The following SLC9A9 variants were observed in gnomAD, a reference collection of about 807,000 sequenced individuals.
The protein encoded by SLC9A9 is sodium/hydrogen exchanger 9.
In SLC9A9, 62 loss-of-function variants were observed where a neutral mutation model predicts 77.8. The observed-to-expected ratio is 0.80, with a 90% confidence interval of 0.65 to 0.98. SLC9A9 has a LOEUF of 0.98. SLC9A9 is among the 50% of genes least tolerant of loss of function. SLC9A9 has a pLI of 0.00. For missense variants in SLC9A9, 775 were observed against 774.9 expected (o/e 1.00, Z 0.00); for synonymous variants, 320 against 283.5 (o/e 1.13, Z -1.29).
chr3:143,487,875 G>T (rs1442347523), intron 11 of SLC9A9, among the ~76,000 whole-genome samples: 1 of 150,948 alleles, frequency 6.6e-6, no homozygotes, highest in East Asian at 1.9e-4. Context: ...AGAGCTAGAA[G>T]AAAGGAAAGA....
At chr3:143,800,574 C>A (rs1407653865) in intron 2 of SLC9A9, among the ~76,000 whole-genome samples, 1 of 152,186 alleles carries the variant, frequency 6.6e-6, no homozygotes, top group Admixed American at 6.5e-5. Context: ...CCACTTATCC[C>A]AGTCTCTCTT....
chr3:143,758,154 G>A (rs1187930943), intron 4 of SLC9A9, among the ~76,000 whole-genome samples: 1 of 152,124 alleles, frequency 6.6e-6, no homozygotes, highest in Non-Finnish European at 1.5e-5. Context: ...TCTACATAAT[G>A]AGGCCATTGC....
At chr3:143,838,012 A>G (rs2009611872) in intron 1 of SLC9A9, among the ~76,000 whole-genome samples, 1 of 150,316 alleles carries the variant, frequency 6.7e-6, no homozygotes. Flanking sequence ...GTTGAAGACT[A>G]CTCTTCTCTG....
chr3:143,285,252 G>C (rs112066626), intron 14 of SLC9A9, among the ~76,000 whole-genome samples: 3,183 of 152,142 alleles, frequency 0.021, 116 homozygotes, highest in African/African-American at 0.073. Context: ...CACCCCAACA[G>C]GCCCTGGTGT....
intron 3 of SLC9A9, 39 bp downstream of exon 3, chr3:143,796,787 C>CT: frequency 6.9e-7 from 1 of 1,459,570 alleles, no homozygotes. Context: ...AAATTCTCTA[C>CT]TTAATGATAA....
chr3:143,364,680 G>A (rs966011908), intron 13 of SLC9A9, among the ~76,000 whole-genome samples: 3 of 152,112 alleles, frequency 2.0e-5, no homozygotes, highest in Non-Finnish European at 2.9e-5. Flanking sequence ...AGATGCTTCC[G>A]TTCTATCCCC....
intron 2 of SLC9A9, among the ~76,000 whole-genome samples, chr3:143,820,822 A>ACT (rs1559813993): frequency 6.6e-6 from 1 of 151,460 alleles, no homozygotes; most frequent in East Asian, 1.9e-4. Flanking sequence ...AATATTGGCT[A>ACT]TTTTTTTTAT....
intron 14 of SLC9A9, among the ~76,000 whole-genome samples, chr3:143,278,041 G>A (rs982372121): frequency 6.6e-6 from 1 of 152,130 alleles, no homozygotes. Context: ...CTCCCAAAAT[G>A]GAGTGTGTGC....
chr3:143,437,473 A>G (rs1250626001), intron 12 of SLC9A9, among the ~76,000 whole-genome samples: 1 of 152,232 alleles, frequency 6.6e-6, no homozygotes, highest in African/African-American at 2.4e-5. Flanking sequence ...CAGGTCCCTC[A>G]GACTATTACT....
chr3:143,267,489 A>G (rs1937764451), intron 15 of SLC9A9, among the ~76,000 whole-genome samples: 1 of 151,456 alleles, frequency 6.6e-6, no homozygotes, highest in Non-Finnish European at 1.5e-5. Context: ...AGCTGGGATT[A>G]CAGGCATGTG....
intron 6 of SLC9A9, among the ~76,000 whole-genome samples, chr3:143,635,823 T>C (rs2038511582): frequency 6.6e-6 from 1 of 152,226 alleles, no homozygotes; most frequent in Non-Finnish European, 1.5e-5. Flanking sequence ...TACCATCTCT[T>C]GTTTAAGATT....
At chr3:143,282,646 G>A (rs1234018795) in intron 14 of SLC9A9, among the ~76,000 whole-genome samples, 1 of 152,114 alleles carries the variant, frequency 6.6e-6, no homozygotes, top group Non-Finnish European at 1.5e-5. Flanking sequence ...AATTGTAATG[G>A]TAATGGACTC....
At chr3:143,427,720 G>T (rs920545562) in intron 12 of SLC9A9, among the ~76,000 whole-genome samples, 10 of 152,182 alleles carry the variant, frequency 6.6e-5, no homozygotes, top group African/African-American at 2.4e-4. Flanking sequence ...GGTTCTGATA[G>T]TTCATCTTTT....
chr3:143,471,925 C>G lies in SLC9A9; in HGVS notation c.1316-4735G>C, dbSNP rs536732961. 5.3e-5 allele frequency among the ~76,000 whole-genome samples: 8 copies of G among 152,310 alleles called. No homozygotes were observed. In the South Asian group the frequency reaches 1.2e-3, roughly 24 times the overall value. Reference sequence around the variant, plus strand: ...TAGAAAACTATTGAACCAAGGAAAGCTTTCTAGCAAGCACTCGTGCTGCAG... The same window carrying G: ...TAGAAAACTATTGAACCAAGGAAAGGTTTCTAGCAAGCACTCGTGCTGCAG... On this transcript the variant is annotated intron_variant, in intron 11 of 15. Coordinates refer to ENST00000316549, the MANE Select transcript of SLC9A9 (RefSeq NM_173653.4).
intron 12 of SLC9A9, among the ~76,000 whole-genome samples, chr3:143,433,392 G>A (rs2034563669): frequency 6.6e-6 from 1 of 152,126 alleles, no homozygotes; most frequent in Non-Finnish European, 1.5e-5. Flanking sequence ...TCTCTTCAGT[G>A]GAAAAGTACT....
intron 12 of SLC9A9, among the ~76,000 whole-genome samples, chr3:143,426,707 T>G (rs1470472669): frequency 6.6e-6 from 1 of 152,222 alleles, no homozygotes; most frequent in Non-Finnish European, 1.5e-5. Context: ...GAACTAGAAA[T>G]GGGAATTATT....
intron 6 of SLC9A9, among the ~76,000 whole-genome samples, chr3:143,596,187 G>A (rs2037748301): frequency 6.6e-6 from 1 of 151,990 alleles, no homozygotes; most frequent in Non-Finnish European, 1.5e-5. Flanking sequence ...AAAGCTTTAG[G>A]GCCCATAGCT....
intron 11 of SLC9A9, among the ~76,000 whole-genome samples, chr3:143,491,022 A>G (rs186183349): frequency 6.6e-6 from 1 of 152,150 alleles, no homozygotes; most frequent in Non-Finnish European, 1.5e-5. Flanking sequence ...GTACGAAACA[A>G]AAATCCAGTC....
At chr3:143,563,654 T>C (rs567178806) in intron 8 of SLC9A9, among the ~76,000 whole-genome samples, 2 of 152,304 alleles carry the variant, frequency 1.3e-5, no homozygotes, top group African/African-American at 4.8e-5. Context: ...TAATTAGCAC[T>C]TTTGTATATT....
Sources: gnomAD v4.1 joint callset for allele counts (sites outside exome capture counted in the v4.1 genomes callset) on GRCh38, gnomAD v4.1.1 for gene constraint, MANE v1.5 for transcripts, NCBI Gene and HGNC (gene_info 2026-07-23, HGNC 2026-07-21) for gene names.